The following ITGB8 variants were observed in gnomAD, a reference collection of about 807,000 sequenced individuals.
ITGB8 encodes the protein integrin subunit beta 8.
Under a neutral mutation model 89.5 loss-of-function variants are expected in ITGB8, and 30 were observed. The ratio of observed to expected loss-of-function variants is 0.34; its 90% CI spans 0.25 to 0.45. The LOEUF is 0.45. Among genes scored for constraint, ITGB8 ranks in the 20% least tolerant of loss-of-function variants. The pLI is 1.00. For synonymous variants in ITGB8, 335 were observed against 320.4 expected, an observed-to-expected ratio of 1.05 and a Z score of -0.49; for missense variants, 836 against 933.3, an observed-to-expected ratio of 0.90 and a Z score of 1.36.
rs114005022 is a variant in ITGB8 at position 20,349,486 on chromosome 7, G to A, written c.128-14151G>A. 1.3e-3 allele frequency among the ~76,000 whole-genome samples: 195 copies of A among 151,944 alleles called. 3 individuals carry two copies. Among genetic ancestry groups the A allele is most frequent in the African/African-American group, 4.2e-3 (173 of 41,456 alleles). On this transcript the variant is annotated intron_variant, in intron 1 of 13. Transcript: ENST00000222573. ...CATTCAATTTCTTAGGCTGCCGAGA[G>A]TTGGCAAGAAATTGCAAGCAGAATA...
intron 7 of ITGB8, among the ~76,000 whole-genome samples, 191 bp downstream of exon 7, chr7:20,391,689 T>C (rs1438691656): frequency 2.0e-5 from 3 of 152,240 alleles, no homozygotes; most frequent in African/African-American, 7.2e-5. Context: ...TATTTAGGTT[T>C]GTAACATCTA....
At chr7:20,403,360 TTGAG>T (rs1461129756) in intron 10 of ITGB8, among the ~76,000 whole-genome samples, 2 of 152,190 alleles carry the variant, frequency 1.3e-5, no homozygotes, top group Non-Finnish European at 2.9e-5. Context: ...TCAAATACAT[TTGAG>T]TATTTGTCCC....
rs1787468378 is a variant in ITGB8, at chr7:20,404,832, A to G, written c.1892A>G (p.Tyr631Cys). 9 of 1,614,128 alleles carry G rather than the reference A, an allele frequency of 5.6e-6. No individual in the cohort carries two copies. The highest frequency in any genetic ancestry group is 2.2e-5 in the East Asian group (1 of 44,884). ...TTCTGTGAACACTGCCCCACCTGTT[A>G]TACAGCCTGCAAGGAAAACTGGTAT... ...GRFCEHCPTC[Y>C]TACKENWNCM... The change falls in exon 11 of 14, where the codon TAT becomes TGT. Residue 631 changes from tyrosine to cysteine, a missense_variant. Tyr to Cys is a radical substitution (Grantham distance 194, BLOSUM62 -2). Around this residue, in one of 5 missense-constraint regions of ITGB8, gnomAD observed 422 missense variants for 416.9 expected, o/e 1.01. Transcript: ENST00000222573.
chr7:20,373,897 C>T (rs976401804), intron 3 of ITGB8, among the ~76,000 whole-genome samples: 2 of 152,112 alleles, frequency 1.3e-5, no homozygotes, highest in African/African-American at 2.4e-5. Flanking sequence ...ATGCTCACAC[C>T]ATTCTTTGAG....
intron 4 of ITGB8, 80 bp from the exon 5 acceptor site, chr7:20,380,586 C>A: frequency 8.6e-7 from 1 of 1,162,726 alleles, no homozygotes; most frequent in Non-Finnish European, 1.3e-6. Context: ...TTTCACACAA[C>A]TGTACAATTT....
At chr7:20,339,208 A>T (rs1382611613) in intron 1 of ITGB8, among the ~76,000 whole-genome samples, 1 of 135,832 alleles carries the variant, frequency 7.4e-6, no homozygotes, top group Non-Finnish European at 1.6e-5. Context: ...AAAAAAAAAA[A>T]CAACTTAGGA....
At chr7:20,402,299 T>A (rs568776565) in intron 10 of ITGB8, among the ~76,000 whole-genome samples, 173 bp downstream of exon 10, 1 of 152,336 alleles carries the variant, frequency 6.6e-6, no homozygotes, top group African/African-American at 2.4e-5. Context: ...AGTACGTGAT[T>A]TTGATATTTA....
chr7:20,376,977 CCT>C (rs1270949192), intron 3 of ITGB8, among the ~76,000 whole-genome samples: 3 of 152,172 alleles, frequency 2.0e-5, no homozygotes, highest in African/African-American at 7.2e-5. Flanking sequence ...TTTCTCACAG[CCT>C]CTCTTCTTTG....
intron 1 of ITGB8, among the ~76,000 whole-genome samples, chr7:20,341,436 G>T (rs997506619): frequency 6.6e-6 from 1 of 152,146 alleles, no homozygotes; most frequent in African/African-American, 2.4e-5. Context: ...GGGCCCTAAA[G>T]TGAGGGCCAA....
rs1787801255 is a variant in ITGB8 at position 20,412,559 on chromosome 7, T to C, written c.*2562T>C. Reference sequence around the variant, plus strand: ...CAGAGTTTATATTTTTTTTATACCCTCACTTGTTTGCACTAACTTTATAGT... The same window carrying C: ...CAGAGTTTATATTTTTTTTATACCCCCACTTGTTTGCACTAACTTTATAGT... On this transcript the variant is annotated 3_prime_UTR_variant, in exon 14 of 14. Transcript: ENST00000222573. 1 of 152,766 alleles carries C rather than the reference T, an allele frequency of 6.5e-6. No homozygotes were observed. The highest frequency in any genetic ancestry group is 1.5e-5 in the Non-Finnish European group (1 of 68,002). 9.5% of individuals were successfully genotyped at this position (152,766 alleles called of 1,614,324 possible). A position where few individuals can be genotyped will look rare whatever the true frequency, so the allele number is the denominator to read the frequency against.
chr7:20,382,067 A>G (rs1206857261), intron 6 of ITGB8, 182 bp downstream of exon 6: 1 of 480,346 alleles, frequency 2.1e-6, no homozygotes, highest in East Asian at 3.3e-5. Context: ...AATAAAATAT[A>G]TGAATAAAAC....
intron 9 of ITGB8, among the ~76,000 whole-genome samples, chr7:20,401,428 A>T (rs956228068): frequency 2.0e-5 from 3 of 152,208 alleles, no homozygotes; most frequent in African/African-American, 7.2e-5. Flanking sequence ...GAAATTAATC[A>T]TCAGTGATGG....
At chr7:20,398,717 C>G (rs572680175) in intron 8 of ITGB8, 143 bp from the exon 9 acceptor site, 3 of 485,422 alleles carry the variant, frequency 6.2e-6, no homozygotes, top group Admixed American at 4.3e-5. Context: ...TGTGGAAACA[C>G]TGTTTTTATT....
At chr7:20,342,949 C>T (rs773473566) in intron 1 of ITGB8, among the ~76,000 whole-genome samples, 2 of 152,120 alleles carry the variant, frequency 1.3e-5, no homozygotes, top group Admixed American at 6.5e-5. Flanking sequence ...GAAGAGACAT[C>T]CTATTGCCTC....
At chr7:20,358,537 G>A (rs1785380168) in intron 1 of ITGB8, among the ~76,000 whole-genome samples, 1 of 151,804 alleles carries the variant, frequency 6.6e-6, no homozygotes, top group Non-Finnish European at 1.5e-5. Flanking sequence ...AAAGTAGCTG[G>A]GACTACAGGC....
chr7:20,341,904 A>G (rs2128127601), intron 1 of ITGB8, among the ~76,000 whole-genome samples: 2 of 151,878 alleles, frequency 1.3e-5, no homozygotes, highest in Middle Eastern at 3.4e-3. Context: ...AAAAAAAAAA[A>G]GATGTGTTAC....
chr7:20,415,566 TTGAC>T lies in ITGB8; in HGVS notation c.*5571_*5574del, dbSNP rs1037486884. ...TATGAACCTGTTCATATAACTCTGA[TTGAC>T]TACTAACTTCTGTTTTATGTATTTA... On this transcript the variant is annotated 3_prime_UTR_variant, in exon 14 of 14. Coordinates refer to ENST00000222573, the MANE Select transcript of ITGB8 (RefSeq NM_002214.3). 1 of 152,486 alleles carries T rather than the reference TTGAC, an allele frequency of 6.6e-6. No individual in the cohort carries two copies. The highest frequency in any genetic ancestry group is 2.1e-4 in the South Asian group (1 of 4,834). The allele number at this position is 152,486 out of a possible 1,614,324, so 9.4% of individuals were successfully genotyped here.
At chr7:20,346,142 T>C (rs1472158599) in intron 1 of ITGB8, among the ~76,000 whole-genome samples, 1 of 152,070 alleles carries the variant, frequency 6.6e-6, no homozygotes, top group Non-Finnish European at 1.5e-5. Context: ...CAGTGAGGAC[T>C]CAGGAAGACA....
At chr7:20,368,587 A>G (rs974805518) in intron 3 of ITGB8, among the ~76,000 whole-genome samples, 5 of 152,094 alleles carry the variant, frequency 3.3e-5, no homozygotes, top group African/African-American at 1.2e-4. Flanking sequence ...TTGAATGCCA[A>G]TTTTCAGCAG....
Sources: allele counts gnomAD v4.1 joint callset (sites outside exome capture counted in the v4.1 genomes callset), GRCh38; gene constraint gnomAD v4.1.1; regional missense constraint gnomAD v4.1.1; transcripts MANE v1.5; gene names NCBI Gene and HGNC (gene_info 2026-07-23, HGNC 2026-07-21).